The following PSMA1 variants were observed in gnomAD, a reference collection of about 807,000 sequenced individuals.
PSMA1 encodes proteasome 20S subunit alpha 1.
In PSMA1, 3 loss-of-function variants were observed where a neutral mutation model predicts 38.4. The observed-to-expected ratio is 0.08, with a 90% CI of 0.04 to 0.20. The LOEUF is 0.20. PSMA1 is among the 10% of genes least tolerant of loss of function. PSMA1 has a pLI of 1.00. For missense variants in PSMA1, 227 were observed against 325.3 expected, an observed-to-expected ratio of 0.70 and a Z score of 2.32; for synonymous variants, 101 against 107.1, an observed-to-expected ratio of 0.94 and a Z score of 0.35.
At chr11:14,519,150 T>C (rs2134151192) in intron 1 of PSMA1, 109 bp from the exon 2 acceptor site, 2 of 891,954 alleles carry the variant, frequency 2.2e-6, no homozygotes, top group East Asian at 5.2e-5. Context: ...TAAGGCACTC[T>C]GTTCATGCAG....
At chr11:14,606,696 T>C (rs1852647704) in intron 2 of PSMA1, among the ~76,000 whole-genome samples, 1 of 152,214 alleles carries the variant, frequency 6.6e-6, no homozygotes, top group African/African-American at 2.4e-5. Flanking sequence ...GACTTTTTCT[T>C]GATTTTTAAT....
At chr11:14,566,023 C>T (rs1852066388) in intron 2 of PSMA1, among the ~76,000 whole-genome samples, 2 of 152,082 alleles carry the variant, frequency 1.3e-5, no homozygotes, top group African/African-American at 2.4e-5. Context: ...AACAAAGGCC[C>T]CATGGTGGGA....
chr11:14,556,777 G>A (rs1369433584), intron 2 of PSMA1, among the ~76,000 whole-genome samples: 2 of 152,134 alleles, frequency 1.3e-5, no homozygotes, highest in Non-Finnish European at 2.9e-5. Flanking sequence ...TAGACATCCA[G>A]TTGCTCTAGC....
intron 7 of PSMA1, 37 bp downstream of exon 7, chr11:14,513,530 GGCA>G: frequency 8.1e-7 from 1 of 1,235,086 alleles, no homozygotes; most frequent in Non-Finnish European, 1.0e-6. Context: ...GACTGGAAAA[GGCA>G]AAAAAAAAAA....
At chr11:14,526,909 GC>G (rs1212560929) in intron 2 of PSMA1, among the ~76,000 whole-genome samples, 4 of 152,070 alleles carry the variant, frequency 2.6e-5, no homozygotes, top group Non-Finnish European at 5.9e-5. Flanking sequence ...CTACCACTCT[GC>G]CCCCCTCCAC....
intron 1 of PSMA1, among the ~76,000 whole-genome samples, chr11:14,626,478 A>C (rs1442324260): frequency 6.6e-6 from 1 of 152,212 alleles, no homozygotes; most frequent in East Asian, 1.9e-4. Flanking sequence ...TCTAGAGCTA[A>C]AGAAAGACAT....
Position 14,513,552 on chromosome 11 carries a change from A to G in PSMA1, c.544+18T>C, listed in dbSNP as rs1025642508. On this transcript the variant is annotated intron_variant, in intron 7 of 9. Transcript: ENST00000396394. ...AAAGGCAAAAAAAAAAAAAAAAAAA[A>G]GCAAGGCTGTCACTTACACTCCATA... 6.5e-6 allele frequency: 9 copies of G among 1,375,340 alleles called. No homozygotes were observed. The East Asian group carries it at 8.1e-5, about 12-fold the overall frequency. 85.2% of individuals were successfully genotyped at this position (1,375,340 alleles called of 1,614,324 possible). A position where few individuals can be genotyped will look rare whatever the true frequency, so the allele number is the denominator to read the frequency against.
chr11:14,565,662 T>A (rs1475199219), intron 2 of PSMA1, among the ~76,000 whole-genome samples: 1 of 152,206 alleles, frequency 6.6e-6, no homozygotes, highest in Admixed American at 6.5e-5. Flanking sequence ...ATCCTTGGTA[T>A]ATCATGGAGC....
intron 5 of PSMA1, 143 bp downstream of exon 5, chr11:14,514,260 C>A: frequency 7.2e-7 from 1 of 1,381,718 alleles, no homozygotes; most frequent in Non-Finnish European, 9.4e-7. Flanking sequence ...CTTATAAAGG[C>A]TAATGAAAGA....
chr11:14,589,509 CAT>C (rs988799691), intron 2 of PSMA1, among the ~76,000 whole-genome samples: 19 of 151,160 alleles, frequency 1.3e-4, no homozygotes, highest in Non-Finnish European at 2.1e-4. Context: ...AATTTAGAAA[CAT>C]GTGGCAACAA....
intron 2 of PSMA1, among the ~76,000 whole-genome samples, chr11:14,571,871 C>A (rs964127735): frequency 6.6e-6 from 1 of 152,060 alleles, no homozygotes; most frequent in African/African-American, 2.4e-5. Flanking sequence ...AGTCTAGTCT[C>A]TGATAAAATA....
chr11:14,591,384 A>G (rs1307904483), intron 2 of PSMA1, among the ~76,000 whole-genome samples: 1 of 152,154 alleles, frequency 6.6e-6, no homozygotes, highest in Non-Finnish European at 1.5e-5. Flanking sequence ...AGCCTCCCCG[A>G]TGAGTGCCGC....
intron 1 of PSMA1, among the ~76,000 whole-genome samples, chr11:14,519,411 G>A (rs1851490687): frequency 6.6e-6 from 1 of 152,120 alleles, no homozygotes; most frequent in Non-Finnish European, 1.5e-5. Flanking sequence ...CTTTAAGGTA[G>A]CTTAAATGTC....
chr11:14,638,792 A>T lies in PSMA1; in HGVS notation c.-166+4663T>A, dbSNP rs1853160874. On this transcript the variant is annotated intron_variant, in intron 1 of 10. Coordinates refer to the PSMA1 transcript ENST00000418988. The stretch of plus-strand genomic sequence containing the variant: ...GTTTTGTGGCAGAACTCCACAATTA[A>T]CCACAAGTTCAGTGTCAACGGTAGG... Among the ~76,000 whole-genome samples, 3 of 150,364 alleles carry T rather than the reference A, an allele frequency of 2.0e-5. No homozygotes were observed. In the South Asian group the frequency reaches 6.3e-4, roughly 32 times the overall value.
intron 1 of PSMA1, among the ~76,000 whole-genome samples, chr11:14,625,648 G>C (rs1852901201): frequency 6.6e-6 from 1 of 152,176 alleles, no homozygotes; most frequent in Admixed American, 6.5e-5. Context: ...ACTTTGGCTT[G>C]AGGACCTCAC....
At chr11:14,518,474 A>G (rs569999664) in intron 2 of PSMA1, among the ~76,000 whole-genome samples, 1 of 152,352 alleles carries the variant, frequency 6.6e-6, no homozygotes, top group Admixed American at 6.5e-5. Flanking sequence ...ACACATATAT[A>G]GTAGGGTCAC....
chr11:14,529,946 A>G (rs888954616), intron 2 of PSMA1, among the ~76,000 whole-genome samples: 2 of 152,188 alleles, frequency 1.3e-5, no homozygotes, highest in Admixed American at 1.3e-4. Flanking sequence ...ATTAGCCAAA[A>G]TTTCTTGCTC....
chr11:14,572,880 T>C (rs1362544792), intron 2 of PSMA1, among the ~76,000 whole-genome samples: 3 of 152,244 alleles, frequency 2.0e-5, no homozygotes, highest in East Asian at 3.9e-4. Flanking sequence ...GAGAATACTA[T>C]AAACACCTCT....
chr11:14,514,377 C>T (rs1166154458), intron 5 of PSMA1, 26 bp downstream of exon 5: 2 of 1,585,452 alleles, frequency 1.3e-6, no homozygotes, highest in East Asian at 2.3e-5. Context: ...AGTTCATATC[C>T]ATAAATGCTA....
Sources: allele counts gnomAD v4.1 joint callset (sites outside exome capture counted in the v4.1 genomes callset), GRCh38; gene constraint gnomAD v4.1.1; transcripts MANE v1.5; gene names NCBI Gene and HGNC (gene_info 2026-07-23, HGNC 2026-07-21).